The following MAPK10 variants were observed in gnomAD, a reference collection of about 807,000 sequenced individuals.
The protein encoded by MAPK10 is mitogen-activated protein kinase 10.
Under a neutral mutation model 59.3 loss-of-function variants are expected in MAPK10, and 25 were observed. The ratio of observed to expected loss-of-function variants is 0.42; its 90% CI spans 0.31 to 0.59. The LOEUF is 0.59. Among genes scored for constraint, MAPK10 ranks in the 20% least tolerant of loss-of-function variants. The probability of loss-of-function intolerance (pLI) is 0.15; values close to 1 mark genes in which losing one functional copy is unlikely to be tolerated. For synonymous variants in MAPK10, 190 were observed against 200.5 expected (o/e 0.95, Z 0.44); for missense variants, 351 against 568.9 (o/e 0.62, Z 3.90).
At chr4:86,216,422 C>G (rs373445672) in intron 2 of MAPK10, among the ~76,000 whole-genome samples, 1 of 151,248 alleles carries the variant, frequency 6.6e-6, no homozygotes, top group Non-Finnish European at 1.5e-5. Context: ...GTACTTAACA[C>G]TACTCAATTG....
At chr4:86,474,185 T>C (rs1404019845) in intron 1 of MAPK10, among the ~76,000 whole-genome samples, 1 of 152,210 alleles carries the variant, frequency 6.6e-6, no homozygotes, top group African/African-American at 2.4e-5. Flanking sequence ...TGGCATATCA[T>C]TGGTGCACAA....
At chr4:86,286,300 C>G (rs558698909) in intron 2 of MAPK10, among the ~76,000 whole-genome samples, 1 of 152,170 alleles carries the variant, frequency 6.6e-6, no homozygotes, top group Non-Finnish European at 1.5e-5. Context: ...AGAGCAGTGT[C>G]CCTGAACAAA....
intron 4 of MAPK10, among the ~76,000 whole-genome samples, chr4:86,143,718 A>G (rs568059460): frequency 5.6e-4 from 85 of 152,342 alleles, no homozygotes; most frequent in Middle Eastern, 3.4e-3. Flanking sequence ...ATTAAAATGT[A>G]TTAAATGGAA....
chr4:86,412,697 A>C (rs1383046324), intron 1 of MAPK10, among the ~76,000 whole-genome samples: 2 of 152,068 alleles, frequency 1.3e-5, no homozygotes, highest in Admixed American at 1.3e-4. Flanking sequence ...CAAATTGGCT[A>C]TTGAAGCTTG....
At chr4:86,136,452 G>A (rs1024618740) in intron 4 of MAPK10, among the ~76,000 whole-genome samples, 1 of 151,248 alleles carries the variant, frequency 6.6e-6, no homozygotes, top group South Asian at 2.1e-4. Flanking sequence ...ATAAGTGAAG[G>A]AGAAATAAAA....
chr4:86,127,879 A>G (rs1301256136), intron 4 of MAPK10, among the ~76,000 whole-genome samples: 2 of 152,122 alleles, frequency 1.3e-5, no homozygotes, highest in African/African-American at 2.4e-5. Flanking sequence ...GATCACTATC[A>G]ATGTGAAACT....
chr4:86,469,171 G>C (rs1752457436), intron 1 of MAPK10, among the ~76,000 whole-genome samples: 1 of 151,344 alleles, frequency 6.6e-6, no homozygotes, highest in African/African-American at 2.4e-5. Context: ...AAGCTGAGGT[G>C]GTTGTCCCCT....
upstream of MAPK10, among the ~76,000 whole-genome samples, chr4:86,362,696 T>C (rs1350435503): frequency 6.6e-6 from 1 of 152,150 alleles, no homozygotes; most frequent in Non-Finnish European, 1.5e-5. Context: ...GAAAAAGTAT[T>C]ATATATCATT....
chr4:86,513,817 A>G (rs1403868831), intron 1 of MAPK10, among the ~76,000 whole-genome samples: 1 of 152,190 alleles, frequency 6.6e-6, no homozygotes, highest in African/African-American at 2.4e-5. Flanking sequence ...CTTTGAGATG[A>G]TAACAAAGAC....
intron 4 of MAPK10, among the ~76,000 whole-genome samples, chr4:86,122,683 T>C (rs932529199): frequency 2.0e-5 from 3 of 151,618 alleles, no homozygotes; most frequent in Non-Finnish European, 4.4e-5. Flanking sequence ...GAGATGTTTA[T>C]GGTGTTGGCT....
intron 2 of MAPK10, among the ~76,000 whole-genome samples, chr4:86,242,074 C>T (rs1019933746): frequency 5.3e-5 from 8 of 151,806 alleles, no homozygotes; most frequent in African/African-American, 1.9e-4. Context: ...TCGCTTTCTG[C>T]TTGTTTGTTT....
intron 4 of MAPK10, among the ~76,000 whole-genome samples, chr4:86,128,869 A>G (rs1193033277): frequency 6.6e-6 from 1 of 152,138 alleles, no homozygotes; most frequent in East Asian, 1.9e-4. Flanking sequence ...AATTTTCAAC[A>G]TTTTAAACTT....
intron 11 of MAPK10, among the ~76,000 whole-genome samples, chr4:86,048,563 C>CA (rs2042940219): frequency 2.0e-5 from 3 of 152,122 alleles, no homozygotes; most frequent in Admixed American, 2.0e-4. Flanking sequence ...AGTCACAAAA[C>CA]AAAAGCAAAT....
intron 9 of MAPK10, among the ~76,000 whole-genome samples, chr4:86,086,590 A>G (rs947367270): frequency 6.6e-6 from 1 of 152,110 alleles, no homozygotes; most frequent in Non-Finnish European, 1.5e-5. Context: ...ATATTCCAAG[A>G]GCTTTTAGAA....
intron 3 of MAPK10, among the ~76,000 whole-genome samples, chr4:86,179,973 C>CAAA (rs527802012): frequency 2.3e-4 from 34 of 149,344 alleles, no homozygotes; most frequent in African/African-American, 8.1e-4. Flanking sequence ...GGCAACAAAA[C>CAAA]AAAAAAAAAT....
intron 1 of MAPK10, chr4:86,358,279 T>C: frequency 1.0e-6 from 1 of 985,444 alleles, no homozygotes; most frequent in Non-Finnish European, 1.2e-6. Flanking sequence ...AATATGTTGA[T>C]AAGCATTCTG....
chr4:86,425,435 T>TA (rs34111165), intron 1 of MAPK10, among the ~76,000 whole-genome samples: 69,191 of 151,228 alleles, frequency 0.46, 15,961 homozygotes, highest in East Asian at 0.54. Flanking sequence ...TTTTCTGTAT[T>TA]AAAAAAAAAC....
At chr4:86,218,885 A>G (rs1001630296) in intron 2 of MAPK10, among the ~76,000 whole-genome samples, 3 of 152,216 alleles carry the variant, frequency 2.0e-5, no homozygotes, top group African/African-American at 7.2e-5. Flanking sequence ...ATTTGTAAAA[A>G]TAATTAACCA....
chr4:86,381,466 G>T (rs576354848), intron 1 of MAPK10, among the ~76,000 whole-genome samples: 1 of 152,198 alleles, frequency 6.6e-6, no homozygotes, highest in Non-Finnish European at 1.5e-5. Context: ...ATCCATCCTT[G>T]CCCTTCACTG....
Sources: gnomAD v4.1 joint callset for allele counts (sites outside exome capture counted in the v4.1 genomes callset) on GRCh38, gnomAD v4.1.1 for gene constraint, MANE v1.5 for transcripts, NCBI Gene and HGNC (gene_info 2026-07-23, HGNC 2026-07-21) for gene names.